CPA1: variants seen among roughly 807,000 people sequenced by gnomAD.
CPA1 encodes carboxypeptidase A1 (pancreatic).
In CPA1, 42 loss-of-function variants were observed where a neutral mutation model predicts 48.7. That is an observed-to-expected ratio of 0.86 (90% CI 0.67 to 1.11). The LOEUF is 1.11. Among genes scored for constraint, CPA1 ranks in the 50% most tolerant of loss-of-function variants. The pLI is 0.00. For missense variants in CPA1, 477 were observed against 544.7 expected, an observed-to-expected ratio of 0.88 and a Z score of 1.24; for synonymous variants, 203 against 217.9, an observed-to-expected ratio of 0.93 and a Z score of 0.60.
In CPA1 at chr7:130,385,297, G is replaced by A. The variant is rs781791429; in HGVS notation, c.939G>A (p.Met313Ile). The A allele has an allele frequency of 9.3e-6, 15 of 1,614,224 alleles. No homozygotes were observed. Among genetic ancestry groups the A allele is most frequent in the Non-Finnish European group, 1.3e-5 (15 of 1,180,040 alleles). Residue 313 changes from methionine to isoleucine, a missense_variant, in exon 8 of 10, where the codon ATG becomes ATA. Met to Ile is a conservative substitution (Grantham distance 10). Coordinates refer to ENST00000011292, the MANE Select transcript of CPA1 (RefSeq NM_001868.4). ...ISIHSYSQLL[M>I]YPYGYKTEPV... Reference sequence around the variant, plus strand: ...TCCACAGCTACTCCCAGCTCCTCATGTATCCCTATGGCTACAAAACAGAAC... The same window carrying A: ...TCCACAGCTACTCCCAGCTCCTCATATATCCCTATGGCTACAAAACAGAAC...
chr7:130,387,565 A>G lies in CPA1; in HGVS notation c.1073-259A>G, dbSNP rs1554412183. On this transcript the variant is annotated intron_variant, in intron 9 of 9. Transcript: ENST00000011292. The surrounding 1 kb of genome is among the most constrained non-coding windows in gnomAD (Gnocchi z 4.6). Reference sequence around the variant, plus strand: ...GGCTGTTTTCAGAGGGGCTTGTGCAATTGCAGAGACTTCCTTGCATCCCCT... The same window carrying G: ...GGCTGTTTTCAGAGGGGCTTGTGCAGTTGCAGAGACTTCCTTGCATCCCCT... Among the ~76,000 whole-genome samples the G allele has an allele frequency of 1.3e-5, 2 of 152,194 alleles. No individual in the cohort carries two copies. The highest frequency in any genetic ancestry group is 4.8e-5 in the African/African-American group (2 of 41,452).
chr7:130,381,319 A>G (rs1796401028), intron 2 of CPA1, 140 bp downstream of exon 2: 1 of 653,832 alleles, frequency 1.5e-6, no homozygotes, highest in Non-Finnish European at 2.7e-6. Flanking sequence ...AGCGACTTCA[A>G]GCCCCCAGCT....
At chr7:130,383,929 G>A in intron 6 of CPA1, 135 bp downstream of exon 6, 1 of 711,618 alleles carries the variant, frequency 1.4e-6, no homozygotes, top group Non-Finnish European at 2.5e-6. Context: ...AGCCGAGGGT[G>A]TCTCAACAGT....
rs186407335 is a variant in CPA1, at chr7:130,387,968, C to T, written c.1217C>T (p.Ala406Val). The T allele has an allele frequency of 1.7e-5, 28 of 1,614,136 alleles. No homozygotes were observed. The highest frequency in any genetic ancestry group is 9.9e-5 in the South Asian group (9 of 91,068). The part of the protein sequence containing the change: ...IIPTAKETWL[A>V]LLTIMEHTLN... ...CCCACAGCCAAGGAGACGTGGCTGGCGCTTCTGACCATCATGGAGCACACC... is the reference window on the plus strand; with the variant it reads ...CCCACAGCCAAGGAGACGTGGCTGGTGCTTCTGACCATCATGGAGCACACC... The change falls in exon 10 of 10, where the codon GCG (alanine) becomes GTG (valine). Residue 406 changes from alanine (A) to valine (V), a missense_variant. By Grantham distance (64) the Ala-to-Val change is moderately conservative. Transcript: ENST00000011292. The surrounding 1 kb of genome is among the most constrained non-coding windows in gnomAD (Gnocchi z 4.6).
In CPA1 at chr7:130,383,419, C is replaced by T. The variant is rs1796431842; in HGVS notation, c.512C>T (p.Ala171Val). Residue 171 changes from alanine to valine, a missense_variant, in exon 5 of 10, where the codon GCC becomes GTC. Physicochemically the swap from Ala to Val is moderately conservative, Grantham distance 64. Transcript: ENST00000011292. ...AGCACGGGGGGCAGTAAGCGTCCAG[C>T]CATCTGGATCGACACGGGCATCCAT... is the stretch of plus-strand genomic sequence containing the variant. ...KFSTGGSKRP[A>V]IWIDTGIHSR... 6.2e-7 allele frequency: 1 copy of T among 1,614,198 alleles called. No homozygotes were observed. The highest frequency in any genetic ancestry group is 8.5e-7 in the Non-Finnish European group (1 of 1,180,032).
chr7:130,381,477 C>T (rs1173477519), intron 2 of CPA1, among the ~76,000 whole-genome samples, 153 bp from the exon 3 acceptor site: 2 of 152,132 alleles, frequency 1.3e-5, no homozygotes, highest in African/African-American at 4.8e-5. Context: ...AGGGTTTCCC[C>T]GTATTTCTCT....
At chr7:130,384,001 G>A (rs1208399446) in intron 6 of CPA1, 1 of 591,330 alleles carries the variant, frequency 1.7e-6, no homozygotes, top group African/African-American at 1.9e-5. Context: ...TGCATCCACG[G>A]TGTTTCTAGC....
chr7:130,386,658 TAACTC>T (rs1452680884), intron 9 of CPA1, among the ~76,000 whole-genome samples: 2 of 152,206 alleles, frequency 1.3e-5, no homozygotes, highest in African/African-American at 4.8e-5. Flanking sequence ...AAAATGGAAT[TAACTC>T]AACAAATGTT....
At chr7:130,382,237 G>A in intron 4 of CPA1, 28 bp downstream of exon 4, 1 of 1,570,162 alleles carries the variant, frequency 6.4e-7, no homozygotes, top group Non-Finnish European at 8.8e-7. Flanking sequence ...ACATACACAG[G>A]GGAGAATGGA....
chr7:130,383,399 G>T lies in CPA1; in HGVS notation c.492G>T (p.Thr164=). The change falls in exon 5 of 10, where the codon ACG becomes ACT. Residue 164 remains threonine (T), a synonymous_variant. Transcript: ENST00000011292. ...GRPIYVLKFS[T]GGSKRPAIWI... ...CCCTGCCTCCTCTCCAGTTCAGCACGGGGGGCAGTAAGCGTCCAGCCATCT... is the reference window on the plus strand; with the variant it reads ...CCCTGCCTCCTCTCCAGTTCAGCACTGGGGGCAGTAAGCGTCCAGCCATCT... 6.2e-7 allele frequency: 1 copy of T among 1,613,698 alleles called. No individual in the cohort carries two copies. The highest frequency in any genetic ancestry group is 8.5e-7 in the Non-Finnish European group (1 of 1,179,692).
intron 6 of CPA1, chr7:130,384,131 G>A: frequency 2.3e-6 from 1 of 439,968 alleles, no homozygotes; most frequent in South Asian, 2.8e-5. Context: ...CCCAGTGGAG[G>A]CCCACTGCCC....
Position 130,382,200 on chromosome 7 carries a change from C to T in CPA1, c.474C>T (p.Tyr158=), listed in dbSNP as rs968404. The change falls in exon 4 of 10, where the codon TAC becomes TAT. Residue 158 remains tyrosine (Y), a synonymous_variant. Transcript: ENST00000011292. Reference sequence around the variant, plus strand: ...ACACCTATGAAGGGCGTCCCATTTACGTGCTGAAGGTAACATCCACATGTG... The same window carrying T: ...ACACCTATGAAGGGCGTCCCATTTATGTGCTGAAGGTAACATCCACATGTG... ...IGNTYEGRPI[Y]VLKFSTGGSK... The T allele has an allele frequency of 0.14, 227,295 of 1,612,924 alleles. 16,943 individuals carry two copies. The highest frequency in any genetic ancestry group is 0.19 in the Middle Eastern group (1,173 of 6,056).
At position 130,385,702 on chromosome 7, in the gene CPA1, G is replaced by A. The variant is rs1796465811; in HGVS notation, c.988-137G>A. 3.9e-5 allele frequency: 26 copies of A among 673,768 alleles called. 1 individual carries two copies. The South Asian group carries it at 4.2e-4, about 11-fold the overall frequency. The allele number at this position is 673,768 out of a possible 1,614,324, so 41.7% of individuals were successfully genotyped here. On this transcript the variant is annotated intron_variant, in intron 8 of 9. Transcript: ENST00000011292. ...CCGGGCTGAGCTTCCAGGCTAAGCA[G>A]GCTCTGTGCTCCCTGCTGGAGGCCC...
At chr7:130,382,925 G>T (rs1796425467) in intron 4 of CPA1, among the ~76,000 whole-genome samples, 2 of 152,104 alleles carry the variant, frequency 1.3e-5, no homozygotes, top group African/African-American at 2.4e-5. Context: ...TTGCAGGCAT[G>T]AGCCACTGCG....
chr7:130,385,080 G>T, intron 7 of CPA1, 66 bp from the exon 8 acceptor site: 2 of 1,524,454 alleles, frequency 1.3e-6, no homozygotes, highest in Non-Finnish European at 1.8e-6. Flanking sequence ...TCCATGCAAA[G>T]AACTGGATTC....
intron 6 of CPA1, 63 bp from the exon 7 acceptor site, chr7:130,384,473 C>CG (rs1554411696): frequency 8.2e-6 from 12 of 1,454,764 alleles, no homozygotes; most frequent in South Asian, 3.4e-5. Flanking sequence ...AACCACCCCC[C>CG]ACCCAGCACT....
rs782284797 is a variant in CPA1, at chr7:130,385,165, C to A, written c.807C>A (p.Asn269Lys). Residue 269 changes from asparagine (N) to lysine (K), a missense_variant, in exon 8 of 10, where the codon AAC becomes AAA. By Grantham distance (94) the Asn-to-Lys change is moderately conservative. Coordinates refer to ENST00000011292, the MANE Select transcript of CPA1 (RefSeq NM_001868.4). ...AGFGLSGASSNPCSETYHGKF... is the reference protein window; with the variant it reads ...AGFGLSGASSKPCSETYHGKF... ...CCACAGTGTCCGGAGCCAGCAGTAA[C>A]CCCTGCTCGGAGACTTACCACGGCA... 5 of 1,614,222 alleles carry A rather than the reference C, an allele frequency of 3.1e-6. No individual in the cohort carries two copies. The African/African-American group carries it at 5.3e-5, about 17-fold the overall frequency.
At chr7:130,384,282 C>T in intron 6 of CPA1, 1 of 558,414 alleles carries the variant, frequency 1.8e-6, no homozygotes, top group Non-Finnish European at 3.2e-6. Flanking sequence ...CATCCTATGG[C>T]CTTCCCCACT....
chr7:130,381,309 A>G (rs149795627), intron 2 of CPA1, 130 bp downstream of exon 2: 2 of 665,414 alleles, frequency 3.0e-6, no homozygotes, highest in African/African-American at 1.8e-5. Context: ...TCTGTTAGGA[A>G]GCGACTTCAA....
Sources: gnomAD v4.1 joint callset for allele counts (sites outside exome capture counted in the v4.1 genomes callset) on GRCh38, gnomAD v4.1.1 for gene constraint, Gnocchi (gnomAD v3.1) non-coding constraint, MANE v1.5 for transcripts, NCBI Gene and HGNC (gene_info 2026-07-23, HGNC 2026-07-21) for gene names.